Variants in G2E3 observed in about 807,000 individuals in gnomAD.
The protein encoded by G2E3 is G2/M phase-specific E3 ubiquitin-protein ligase.
Under a neutral mutation model 92.8 loss-of-function variants are expected in G2E3, and 35 were observed. The observed-to-expected ratio is 0.38, with a 90% CI of 0.29 to 0.50. G2E3 has a LOEUF of 0.50. Among genes scored for constraint, G2E3 ranks in the 20% least tolerant of loss-of-function variants. The pLI, the probability that G2E3 is intolerant of heterozygous loss-of-function variation, is 0.94. For missense variants in G2E3, 554 were observed against 823.8 expected (o/e 0.67, Z 4.01); for synonymous variants, 242 against 272.4 (o/e 0.89, Z 1.10).
At chr14:30,560,159 C>CT (rs1879010491) in intron 1 of G2E3, 3 of 150,598 alleles carry the variant, frequency 2.0e-5, no homozygotes, top group Admixed American at 2.0e-4. Context: ...ATATGGAACT[C>CT]TGTCTAACCC....
chr14:30,581,566 G>GCTAATTTAC (rs1268533446), intron 2 of G2E3, among the ~76,000 whole-genome samples: 1 of 152,158 alleles, frequency 6.6e-6, no homozygotes, highest in African/African-American at 2.4e-5. Context: ...AATTAGCCAG[G>GCTAATTTAC]AGGCGCATGC....
intron 1 of G2E3, among the ~76,000 whole-genome samples, chr14:30,564,702 C>G (rs1392784365): frequency 6.6e-6 from 1 of 152,152 alleles, no homozygotes; most frequent in Non-Finnish European, 1.5e-5. Context: ...ACCATCACCT[C>G]TACCTAGTTC....
chr14:30,619,188 A>T lies in G2E3; in HGVS notation c.*2654A>T, dbSNP rs771436671. 3 of 152,040 alleles carry T rather than the reference A, an allele frequency of 2.0e-5. No homozygotes were observed. The highest frequency in any genetic ancestry group is 6.5e-5 in the Admixed American group (1 of 15,274). The allele number at this position is 152,040 out of a possible 1,614,324, so 9.4% of individuals were successfully genotyped here. A position where few individuals can be genotyped will look rare whatever the true frequency, so the allele number is the denominator to read the frequency against. On this transcript the variant is annotated 3_prime_UTR_variant, in exon 15 of 15. Transcript: ENST00000206595. ...TTAGTTTCTGTAATTTGAGGAAGTG[A>T]CTTTTTTTGTTTGGGTTAAGTAAAA...
intron 1 of G2E3, among the ~76,000 whole-genome samples, chr14:30,568,339 A>T (rs976095000): frequency 1.3e-5 from 2 of 152,150 alleles, no homozygotes; most frequent in Non-Finnish European, 2.9e-5. Context: ...TAGTGTATGT[A>T]TGGATTTTAA....
chr14:30,577,327 TA>T (rs1880170205), intron 1 of G2E3, among the ~76,000 whole-genome samples: 1 of 152,180 alleles, frequency 6.6e-6, no homozygotes, highest in Non-Finnish European at 1.5e-5. Context: ...GAATTTGACT[TA>T]CTTTTTTTGT....
chr14:30,573,238 C>A (rs73264311), intron 1 of G2E3, among the ~76,000 whole-genome samples: 2,544 of 152,092 alleles, frequency 0.017, 91 homozygotes, highest in African/African-American at 0.058. Context: ...GAATGTCTTT[C>A]TTCTAATTTT....
At chr14:30,604,342 G>A (rs1024198022) in intron 10 of G2E3, among the ~76,000 whole-genome samples, 1 of 152,252 alleles carries the variant, frequency 6.6e-6, no homozygotes, top group African/African-American at 2.4e-5. Flanking sequence ...AACGTCTTGG[G>A]GTGGGACAGA....
At chr14:30,608,112 G>T in intron 12 of G2E3, 43 bp downstream of exon 12, 1 of 1,112,226 alleles carries the variant, frequency 9.0e-7, no homozygotes, top group South Asian at 1.9e-5. Flanking sequence ...CTACATTCTA[G>T]GTATCTTTTA....
At chr14:30,571,259 G>GC (rs1879744860) in intron 1 of G2E3, among the ~76,000 whole-genome samples, 1 of 149,044 alleles carries the variant, frequency 6.7e-6, no homozygotes, top group Admixed American at 6.7e-5. Flanking sequence ...GCTATGTTGT[G>GC]TTTTTTTTAA....
At chr14:30,616,169 G>T in intron 14 of G2E3, 109 bp from the exon 15 acceptor site, 1 of 732,972 alleles carries the variant, frequency 1.4e-6, no homozygotes, top group South Asian at 1.7e-5. Context: ...GTGGGAGTCT[G>T]TGCCTTTCAG....
At chr14:30,603,409 AATGTTGGG>A (rs754829148) in intron 10 of G2E3, among the ~76,000 whole-genome samples, 1 of 152,170 alleles carries the variant, frequency 6.6e-6, no homozygotes, top group Non-Finnish European at 1.5e-5. Flanking sequence ...ACATCTTTAT[AATGTTGGG>A]TATTTGTTCA....
chr14:30,612,079 C>A (rs1431595313), intron 12 of G2E3, 128 bp from the exon 13 acceptor site: 13 of 612,014 alleles, frequency 2.1e-5, no homozygotes, highest in Non-Finnish European at 2.9e-5. Context: ...AAGAATATTT[C>A]TTGGTTTACT....
At chr14:30,580,009 A>G (rs1201164669) in intron 1 of G2E3, among the ~76,000 whole-genome samples, 1 of 152,142 alleles carries the variant, frequency 6.6e-6, no homozygotes, top group Non-Finnish European at 1.5e-5. Flanking sequence ...AGTAATGATT[A>G]TAAGTATTTT....
chr14:30,608,741 CTT>C (rs1413011519), intron 12 of G2E3, among the ~76,000 whole-genome samples: 2 of 152,222 alleles, frequency 1.3e-5, no homozygotes, highest in African/African-American at 4.8e-5. Flanking sequence ...AGCCATTTAA[CTT>C]TTCTTCCTTA....
intron 5 of G2E3, among the ~76,000 whole-genome samples, chr14:30,593,024 T>G (rs1350988094): frequency 6.6e-6 from 1 of 152,148 alleles, no homozygotes; most frequent in Non-Finnish European, 1.5e-5. Context: ...AAACTACAGT[T>G]TAGAAAATAC....
chr14:30,562,268 T>A (rs1040582981), intron 1 of G2E3, among the ~76,000 whole-genome samples: 2 of 152,176 alleles, frequency 1.3e-5, no homozygotes, highest in African/African-American at 2.4e-5. Flanking sequence ...ATACTAGATA[T>A]AGATCTTAGA....
intron 8 of G2E3, among the ~76,000 whole-genome samples, chr14:30,600,628 G>A (rs74802233): frequency 0.035 from 5,284 of 152,260 alleles, 123 homozygotes; most frequent in Middle Eastern, 0.061. Flanking sequence ...CTCTCAATCA[G>A]TAGCTACAAC....
chr14:30,599,137 T>G (rs1240092240), intron 8 of G2E3, among the ~76,000 whole-genome samples: 1 of 152,178 alleles, frequency 6.6e-6, no homozygotes, highest in Non-Finnish European at 1.5e-5. Context: ...GTGTGTTGTC[T>G]ACGTCCTAAT....
chr14:30,589,739 A>G (rs1419609510), intron 4 of G2E3, among the ~76,000 whole-genome samples: 1 of 152,010 alleles, frequency 6.6e-6, no homozygotes, highest in African/African-American at 2.4e-5. Context: ...GTCCATCAGA[A>G]TTGACCATCA....
Sources: allele counts gnomAD v4.1 joint callset (sites outside exome capture counted in the v4.1 genomes callset), GRCh38; gene constraint gnomAD v4.1.1; transcripts MANE v1.5; gene names NCBI Gene and HGNC (gene_info 2026-07-23, HGNC 2026-07-21).